The following ARID4A variants were observed in gnomAD, a reference collection of about 807,000 sequenced individuals.
ARID4A encodes AT-rich interaction domain 4A.
ARID4A carries 39 observed loss-of-function variants against 148.6 expected under a neutral mutation model. The observed-to-expected ratio is 0.26, with a 90% CI of 0.20 to 0.34. The LOEUF is 0.34. ARID4A is among the 10% of genes least tolerant of loss of function. ARID4A has a pLI of 1.00. For synonymous variants in ARID4A, 475 were observed against 481.2 expected (o/e 0.99, Z 0.17); for missense variants, 1,265 against 1,449.1 (o/e 0.87, Z 2.06).
chr14:58,361,081 C>A (rs1282867542), intron 19 of ARID4A, 39 bp downstream of exon 19: 2 of 1,568,340 alleles, frequency 1.3e-6, no homozygotes, highest in South Asian at 1.2e-5. Context: ...AGACAGCTCA[C>A]CTCTGTCAAA....
At chr14:58,311,534 C>T (rs2032032777) in intron 5 of ARID4A, among the ~76,000 whole-genome samples, 1 of 152,034 alleles carries the variant, frequency 6.6e-6, no homozygotes, top group Non-Finnish European at 1.5e-5. Flanking sequence ...CATAGAAGTT[C>T]CTCAAAAAAT....
rs2035651070 is a variant in ARID4A at position 58,372,396 on chromosome 14, T to A, written c.*407T>A. ...ACTGCTGCACTTTCACTAAGATGTA[T>A]TTGAACACTTGGTGAGTAGGGGGTT... On this transcript the variant is annotated 3_prime_UTR_variant, in exon 24 of 24. Transcript: ENST00000355431. The A allele has an allele frequency of 4.1e-6, 1 of 246,382 alleles. No homozygotes were observed. The highest frequency in any genetic ancestry group is 6.0e-5 in the East Asian group (1 of 16,566). The allele number at this position is 246,382 out of a possible 1,614,324, so 15.3% of individuals were successfully genotyped here.
In ARID4A at chr14:58,360,254, G is replaced by A. The variant is rs550012784; in HGVS notation, c.1939-647G>A. 9.2e-5 allele frequency among the ~76,000 whole-genome samples: 14 copies of A among 152,210 alleles called. No homozygotes were observed. In the East Asian group the frequency reaches 1.9e-3, roughly 21 times the overall value. On this transcript the variant is annotated intron_variant, in intron 18 of 23. Coordinates refer to ENST00000355431, the MANE Select transcript of ARID4A (RefSeq NM_002892.4). ...GGAGAAGGATAAAGTAGGACGAACC[G>A]TGACAAACGAGAGGTCACATTCCTC...
chr14:58,372,018 T>G lies in ARID4A; in HGVS notation c.*29T>G. 1 of 1,498,224 alleles carries G rather than the reference T, an allele frequency of 6.7e-7. No homozygotes were observed. The highest frequency in any genetic ancestry group is 9.3e-7 in the Non-Finnish European group (1 of 1,077,718). The allele number at this position is 1,498,224 out of a possible 1,614,324, so 92.8% of individuals were successfully genotyped here. ...ACATTTTCTCTACCTTCCCAGCAGT[T>G]TGCTGCCATGGACATAAATCCCCAA... On this transcript the variant is annotated 3_prime_UTR_variant, in exon 24 of 24. Coordinates refer to ENST00000355431, the MANE Select transcript of ARID4A (RefSeq NM_002892.4).
chr14:58,329,536 T>C lies in ARID4A; in HGVS notation c.671T>C (p.Ile224Thr), dbSNP rs1210544460. ...RSFIDSKFYSIARKDIKEVDI... is the reference protein window; with the variant it reads ...RSFIDSKFYSTARKDIKEVDI... ...TTCTTCTTGATAATTAGTTACTCTA[T>C]AGCAAGAAAGGACATTAAGGAAGTA... The change falls in exon 10 of 24, where the codon ATA becomes ACA. Residue 224 changes from isoleucine (I) to threonine (T), a missense_variant. Physicochemically the swap from Ile to Thr is moderately conservative, Grantham distance 89. Around this residue, in one of 9 missense-constraint regions of ARID4A, gnomAD observed 249 missense variants for 277.2 expected, o/e 0.90. Coordinates refer to ENST00000355431, the MANE Select transcript of ARID4A (RefSeq NM_002892.4). 1.9e-6 allele frequency: 3 copies of C among 1,597,934 alleles called. No homozygotes were observed. Among genetic ancestry groups the C allele is most frequent in the Admixed American group, 1.7e-5 (1 of 59,980 alleles).
rs796761376 is a variant in ARID4A at position 58,327,507 on chromosome 14, A to AT, written c.583-718dup. ...ATCTTGGTTAAAAAAGGTAACATAG[A>AT]TTTTTTTTTTTTAATGACCAGATTT... On this transcript the variant is annotated intron_variant, in intron 8 of 23. Transcript: ENST00000355431. Among the ~76,000 whole-genome samples the AT allele has an allele frequency of 1.5e-3, 215 of 146,548 alleles. 1 individual carries two copies. Among genetic ancestry groups the AT allele is most frequent in the South Asian group, 7.7e-3 (36 of 4,686 alleles).
At chr14:58,301,821 G>A in intron 3 of ARID4A, 131 bp downstream of exon 3, 2 of 518,844 alleles carry the variant, frequency 3.9e-6, no homozygotes, top group Non-Finnish European at 6.6e-6. Flanking sequence ...TAAAGGAAAA[G>A]CACATCAAAA....
chr14:58,319,748 G>T (rs1391550403), intron 7 of ARID4A, among the ~76,000 whole-genome samples: 1 of 150,216 alleles, frequency 6.7e-6, no homozygotes, highest in Non-Finnish European at 1.5e-5. Flanking sequence ...TCGCTTTGTT[G>T]GCCAAATGGG....
intron 5 of ARID4A, among the ~76,000 whole-genome samples, chr14:58,311,692 C>G (rs1486665437): frequency 6.6e-6 from 1 of 152,046 alleles, no homozygotes. Context: ...ATTTAAGTCT[C>G]TATGAGCAGA....
chr14:58,347,896 G>C lies in ARID4A; in HGVS notation c.1404+18G>C. ...CTCCGAGGGTGAGTTCTTAATACTAGTTTTATCTGGTTTAAGTATTATTTA... is the reference window on the plus strand; with the variant it reads ...CTCCGAGGGTGAGTTCTTAATACTACTTTTATCTGGTTTAAGTATTATTTA... On this transcript the variant is annotated intron_variant, in intron 15 of 23. Transcript: ENST00000355431. 2 of 1,531,260 alleles carry C rather than the reference G, an allele frequency of 1.3e-6. No individual in the cohort carries two copies. Among genetic ancestry groups the C allele is most frequent in the Non-Finnish European group, 8.9e-7 (1 of 1,121,130 alleles). 94.9% of individuals were successfully genotyped at this position (1,531,260 alleles called of 1,614,324 possible).
intron 5 of ARID4A, among the ~76,000 whole-genome samples, chr14:58,306,512 C>T (rs990159369): frequency 6.6e-6 from 1 of 152,154 alleles, no homozygotes; most frequent in Non-Finnish European, 1.5e-5. Context: ...AAAATCCTGA[C>T]CATGGTAGAT....
Position 58,359,128 on chromosome 14 carries a change from T to TTA in ARID4A, c.1854-4_1854-3insTA. The TTA allele has an allele frequency of 1.9e-6, 3 of 1,551,450 alleles. No individual in the cohort carries two copies. The highest frequency in any genetic ancestry group is 2.2e-5 in the Admixed American group (1 of 44,760). ...AACTCTTTTTTTTTTTTTTTTTTTTTAAGGTATGATGAGTGGGTGAAGGCT... is the reference window on the plus strand; with the variant it reads ...AACTCTTTTTTTTTTTTTTTTTTTTTTAAAGGTATGATGAGTGGGTGAAGGCT... On this transcript the variant is annotated splice_region_variant and splice_polypyrimidine_tract_variant and intron_variant, in intron 17 of 23. Coordinates refer to ENST00000355431, the MANE Select transcript of ARID4A (RefSeq NM_002892.4).
chr14:58,343,310 A>G (rs547412614), intron 11 of ARID4A, among the ~76,000 whole-genome samples: 266 of 152,350 alleles, frequency 1.7e-3, no homozygotes, highest in African/African-American at 6.0e-3. Context: ...ATAAATCATT[A>G]TGAATGAATG....
At position 58,311,177 on chromosome 14, in the gene ARID4A, C is replaced by T. The variant is rs557229271; in HGVS notation, c.274+5065C>T. On this transcript the variant is annotated intron_variant, in intron 5 of 23. Coordinates refer to ENST00000355431, the MANE Select transcript of ARID4A (RefSeq NM_002892.4). ...AGGAGAAATGCTTGAACCCTGGAGG[C>T]GGAGGCTGCAGTGAGCCAAGATCAT... 7.2e-5 allele frequency among the ~76,000 whole-genome samples: 11 copies of T among 152,126 alleles called. No homozygotes were observed. In the East Asian group the frequency reaches 1.4e-3, roughly 19 times the overall value.
rs536584858 is a variant in ARID4A, at chr14:58,354,011, T to C, written c.1853+156T>C. ...CAAGACTTTGACATTCCTGCTGTTA[T>C]ACTAGCAGTGTCAATGCTTCTAGCC... On this transcript the variant is annotated intron_variant, in intron 17 of 23. Transcript: ENST00000355431. Among the ~76,000 whole-genome samples the C allele has an allele frequency of 4.6e-5, 7 of 152,332 alleles. No individual in the cohort carries two copies. The South Asian group carries it at 6.2e-4, about 14-fold the overall frequency.
chr14:58,357,729 C>G (rs369680955), intron 17 of ARID4A, among the ~76,000 whole-genome samples: 6 of 150,958 alleles, frequency 4.0e-5, no homozygotes, highest in African/African-American at 1.5e-4. Context: ...CATTCCTGGT[C>G]TAAAGCAAGG....
At chr14:58,323,293 A>G (rs1033650727) in intron 7 of ARID4A, among the ~76,000 whole-genome samples, 192 bp from the exon 8 acceptor site, 2 of 152,152 alleles carry the variant, frequency 1.3e-5, no homozygotes, top group Non-Finnish European at 2.9e-5. Flanking sequence ...CAGAGTTACC[A>G]TAGACAACTC....
rs71107933 is a variant in ARID4A at position 58,317,624 on chromosome 14, C to CTTTTTTT, written c.275-900_275-894dup. 3.0e-4 allele frequency among the ~76,000 whole-genome samples: 21 copies of CTTTTTTT among 69,874 alleles called. 2 individuals carry two copies. The highest frequency in any genetic ancestry group is 6.3e-4 in the African/African-American group (10 of 15,890). 45.8% of individuals were successfully genotyped at this position (69,874 alleles called of 152,430 possible). ...TTTTTAAAAAAACCTTTATATTTGT[C>CTTTTTTT]TTTTTTTTTTTTTTTTTTTTTTTTG... On this transcript the variant is annotated intron_variant, in intron 5 of 23. Coordinates refer to ENST00000355431, the MANE Select transcript of ARID4A (RefSeq NM_002892.4).
At chr14:58,342,784 A>G (rs1286795146) in intron 11 of ARID4A, among the ~76,000 whole-genome samples, 3 of 152,112 alleles carry the variant, frequency 2.0e-5, no homozygotes, top group African/African-American at 7.2e-5. Flanking sequence ...GTGGTGGTGC[A>G]TGCCTGTAAT....
Sources: allele counts gnomAD v4.1 joint callset (sites outside exome capture counted in the v4.1 genomes callset), GRCh38; gene constraint gnomAD v4.1.1; regional missense constraint gnomAD v4.1.1; transcripts MANE v1.5; gene names NCBI Gene and HGNC (gene_info 2026-07-23, HGNC 2026-07-21).